Variants in FOXP2 observed in about 807,000 individuals in gnomAD.
FOXP2 encodes the protein forkhead box protein P2.
Under a neutral mutation model 115.8 loss-of-function variants are expected in FOXP2, and 12 were observed. The observed-to-expected ratio is 0.10, with a 90% CI of 0.07 to 0.17. The LOEUF is 0.17. FOXP2 is among the 10% of genes least tolerant of loss of function. The pLI is 1.00. For missense variants in FOXP2, 629 were observed against 843.5 expected, an observed-to-expected ratio of 0.75 and a Z score of 3.15; for synonymous variants, 328 against 297.7, an observed-to-expected ratio of 1.10 and a Z score of -1.05.
Position 114,545,825 on chromosome 7 carries a change from T to C in FOXP2, c.258+11119T>C, listed in dbSNP as rs142682484. Among the ~76,000 whole-genome samples, 799 of 152,312 alleles carry C rather than the reference T, an allele frequency of 5.2e-3. 3 individuals carry two copies. Among genetic ancestry groups the C allele is most frequent in the Middle Eastern group, 0.017 (5 of 294 alleles). Reference sequence around the variant, plus strand: ...AAATCTTTTTTGCATCTTTTAAATTTCAATTGTGTGTCAACTACTTGGTGA... The same window carrying C: ...AAATCTTTTTTGCATCTTTTAAATTCCAATTGTGTGTCAACTACTTGGTGA... On this transcript the variant is annotated intron_variant, in intron 3 of 16. Transcript: ENST00000350908.
intron 1 of FOXP2, among the ~76,000 whole-genome samples, chr7:114,223,941 T>A (rs541765501): frequency 1.3e-5 from 2 of 152,104 alleles, no homozygotes; most frequent in Admixed American, 6.5e-5. Context: ...TTATTTTCCT[T>A]TATGTTCTTA....
intron 1 of FOXP2, among the ~76,000 whole-genome samples, chr7:114,203,943 T>C (rs1313411459): frequency 6.6e-6 from 1 of 152,212 alleles, no homozygotes; most frequent in Non-Finnish European, 1.5e-5. Context: ...TCTTACTGAG[T>C]CTATGTTTCA....
intron 1 of FOXP2, among the ~76,000 whole-genome samples, chr7:114,272,043 A>G (rs1188651193): frequency 2.1e-5 from 3 of 140,786 alleles, no homozygotes; most frequent in South Asian, 4.2e-4. Flanking sequence ...TATAATATAA[A>G]TATGTATAAA....
At chr7:114,285,933 T>C (rs1796456228) in intron 1 of FOXP2, among the ~76,000 whole-genome samples, 1 of 152,058 alleles carries the variant, frequency 6.6e-6, no homozygotes, top group Non-Finnish European at 1.5e-5. Flanking sequence ...AATTTTCATT[T>C]TTTTAGCAAA....
chr7:114,221,450 A>G (rs1794619053), intron 1 of FOXP2, among the ~76,000 whole-genome samples: 1 of 152,168 alleles, frequency 6.6e-6, no homozygotes. Flanking sequence ...GGTTTGCTAT[A>G]CTTAGATCCA....
chr7:114,541,744 C>T (rs990186013), intron 3 of FOXP2, among the ~76,000 whole-genome samples: 9 of 150,992 alleles, frequency 6.0e-5, no homozygotes, highest in African/African-American at 1.9e-4. Flanking sequence ...AAGAACTTTG[C>T]TATCTAGGAG....
At chr7:114,359,653 G>A (rs1791699364) in intron 2 of FOXP2, among the ~76,000 whole-genome samples, 3 of 152,238 alleles carry the variant, frequency 2.0e-5, no homozygotes. Flanking sequence ...GAGACATGGA[G>A]TCAAAGGAGA....
intron 1 of FOXP2, among the ~76,000 whole-genome samples, chr7:114,092,031 T>G (rs1799552968): frequency 6.6e-6 from 1 of 152,038 alleles, no homozygotes; most frequent in African/African-American, 2.4e-5. Context: ...TCTTCATTTT[T>G]TTTCTGCTGT....
At chr7:114,678,481 T>A (rs1373272926) in intron 16 of FOXP2, among the ~76,000 whole-genome samples, 1 of 151,902 alleles carries the variant, frequency 6.6e-6, no homozygotes, top group East Asian at 1.9e-4. Flanking sequence ...CAAGGGTATA[T>A]GTTACCTACT....
At chr7:114,183,861 G>A (rs1793521898) in intron 1 of FOXP2, among the ~76,000 whole-genome samples, 1 of 152,074 alleles carries the variant, frequency 6.6e-6, no homozygotes, top group Admixed American at 6.6e-5. Flanking sequence ...GAATTCACAA[G>A]AATTTGGGAT....
At chr7:114,435,648 CT>C (rs1794308989) in intron 2 of FOXP2, among the ~76,000 whole-genome samples, 1 of 152,158 alleles carries the variant, frequency 6.6e-6, no homozygotes, top group African/African-American at 2.4e-5. Flanking sequence ...AGAGATCCTC[CT>C]GCCTCAGCCT....
chr7:114,429,005 G>A lies in FOXP2; in HGVS notation c.168+2326G>A, dbSNP rs75638747. 7.2e-3 allele frequency among the ~76,000 whole-genome samples: 1,095 copies of A among 151,588 alleles called. 4 individuals are homozygous for A. Among genetic ancestry groups the A allele is most frequent in the African/African-American group, 0.02 (834 of 41,476 alleles). ...TTTTGTTTAGAAATATGATTTAAGA[G>A]GCAGTGATGTAAACAAAGTAAAATT... On this transcript the variant is annotated intron_variant, in intron 2 of 16. Transcript: ENST00000350908.
At chr7:114,229,456 C>G (rs1408532159) in intron 1 of FOXP2, among the ~76,000 whole-genome samples, 1 of 151,596 alleles carries the variant, frequency 6.6e-6, no homozygotes, top group Non-Finnish European at 1.5e-5. Context: ...ACATTCTTCT[C>G]AAGCACACAT....
chr7:114,664,540 C>A, intron 16 of FOXP2, 104 bp downstream of exon 16: 2 of 1,352,882 alleles, frequency 1.5e-6, no homozygotes, highest in Admixed American at 2.0e-5. Flanking sequence ...GTTGAAAATA[C>A]AAATTTAAGT....
At chr7:114,529,043 T>C (rs1390662072) in intron 2 of FOXP2, among the ~76,000 whole-genome samples, 1 of 151,892 alleles carries the variant, frequency 6.6e-6, no homozygotes, top group African/African-American at 2.4e-5. Context: ...TTATTGTAGG[T>C]AATATTAGGA....
intron 1 of FOXP2, among the ~76,000 whole-genome samples, chr7:114,202,741 T>G (rs1243303728): frequency 6.6e-6 from 1 of 152,164 alleles, no homozygotes; most frequent in Non-Finnish European, 1.5e-5. Flanking sequence ...AATATAGGGA[T>G]ATATAGTTAT....
chr7:114,460,541 G>T (rs1371313372), intron 2 of FOXP2, among the ~76,000 whole-genome samples: 1 of 152,028 alleles, frequency 6.6e-6, no homozygotes, highest in East Asian at 1.9e-4. Context: ...ATGTTGACAG[G>T]GATTCATGTC....
intron 1 of FOXP2, among the ~76,000 whole-genome samples, chr7:114,110,690 T>C (rs1791246789): frequency 6.6e-6 from 1 of 152,124 alleles, no homozygotes; most frequent in African/African-American, 2.4e-5. Context: ...TCAGTATTGA[T>C]TAGAGGTGCA....
intron 9 of FOXP2, among the ~76,000 whole-genome samples, chr7:114,653,722 C>A (rs897892159): frequency 1.3e-5 from 2 of 152,056 alleles, no homozygotes; most frequent in African/African-American, 4.8e-5. Flanking sequence ...TTTCTCTGAC[C>A]TTTTAACATA....
Sources: gnomAD v4.1 joint callset for allele counts (sites outside exome capture counted in the v4.1 genomes callset) on GRCh38, gnomAD v4.1.1 for gene constraint, MANE v1.5 for transcripts, NCBI Gene and HGNC (gene_info 2026-07-23, HGNC 2026-07-21) for gene names.